Variants in RFTN1 observed in about 807,000 individuals in gnomAD.
The protein encoded by RFTN1 is raftlin, lipid raft linker 1, also known as raftlin.
Under a neutral mutation model 46.5 loss-of-function variants are expected in RFTN1, and 26 were observed. The ratio of observed to expected loss-of-function variants is 0.56; its 90% CI spans 0.41 to 0.78. The LOEUF is 0.78. Ranked by LOEUF, RFTN1 falls within the 30% of genes least tolerant of loss-of-function variation. The pLI is 0.00. For synonymous variants in RFTN1, 261 were observed against 284.2 expected (o/e 0.92, Z 0.82); for missense variants, 693 against 718.7 (o/e 0.96, Z 0.41).
Position 16,484,872 on chromosome 3 carries a change from T to C in RFTN1, c.145+8853A>G, listed in dbSNP as rs760558292. 5 of 152,248 alleles carry C rather than the reference T, an allele frequency of 3.3e-5. No individual in the cohort carries two copies. The highest frequency in any genetic ancestry group is 5.9e-5 in the Non-Finnish European group (4 of 68,042). The allele number at this position is 152,248 out of a possible 1,614,324, so 9.4% of individuals were successfully genotyped here. ...CTCAATATCTCAATTTATTCTTCTA[T>C]ACCGTGGGGGTGACTCCACCTACCT... On this transcript the variant is annotated intron_variant, in intron 2 of 9. Transcript: ENST00000334133. This position sits in a 1 kb window ranked among gnomAD's most constrained non-coding sequence, Gnocchi z 4.6.
chr3:16,482,936 C>G lies in RFTN1; in HGVS notation c.145+10789G>C, dbSNP rs968482153. 3.0e-6 allele frequency: 3 copies of G among 1,000,624 alleles called. No individual in the cohort carries two copies. The African/African-American group carries it at 4.8e-5, about 16-fold the overall frequency. The allele number at this position is 1,000,624 out of a possible 1,614,324, so 62.0% of individuals were successfully genotyped here. On this transcript the variant is annotated intron_variant, in intron 2 of 9. Coordinates refer to ENST00000334133, the MANE Select transcript of RFTN1 (RefSeq NM_015150.2). Reference sequence around the variant, plus strand: ...AAGTCCCGCCCCACCCAACTCTGACCCTGGGGCCTCTTGCAGCAGTATCAA... The same window carrying G: ...AAGTCCCGCCCCACCCAACTCTGACGCTGGGGCCTCTTGCAGCAGTATCAA...
Position 16,320,865 on chromosome 3 carries a change from A to G in RFTN1, c.1332+2511T>C, listed in dbSNP as rs1379185210. Among the ~76,000 whole-genome samples, 1 of 152,246 alleles carries G rather than the reference A, an allele frequency of 6.6e-6. No individual in the cohort carries two copies. The highest frequency in any genetic ancestry group is 1.5e-5 in the Non-Finnish European group (1 of 68,044). On this transcript the variant is annotated intron_variant, in intron 9 of 9. Coordinates refer to ENST00000334133, the MANE Select transcript of RFTN1 (RefSeq NM_015150.2). This position sits in a 1 kb window ranked among gnomAD's most constrained non-coding sequence, Gnocchi z 4.5. ...TCCATCTTTGTCTTCAGAGTCATAC[A>G]AAACTAGAACTCCTTTGAGCAGTGG...
Position 16,387,570 on chromosome 3 carries a change from T to TTCTCTCTCTCTCTCTCTCTCTC in RFTN1, c.442-9490_442-9469dup, listed in dbSNP as rs3054539. ...CACTTCTCTCTTCTATATCCTCAAT[T>TTCTCTCTCTCTCTCTCTCTCTC]TCTCTCTCTCTCTCTCTCTCTCTCT... On this transcript the variant is annotated intron_variant, in intron 4 of 9. Transcript: ENST00000334133. The surrounding 1 kb of genome is among the most constrained non-coding windows in gnomAD (Gnocchi z 5.2). Among the ~76,000 whole-genome samples the TTCTCTCTCTCTCTCTCTCTCTC allele has an allele frequency of 4.6e-3, 531 of 116,456 alleles. 40 individuals are homozygous for TTCTCTCTCTCTCTCTCTCTCTC. Among genetic ancestry groups the TTCTCTCTCTCTCTCTCTCTCTC allele is most frequent in the African/African-American group, 0.01 (265 of 25,594 alleles). The allele number at this position is 116,456 out of a possible 152,430, so 76.4% of individuals were successfully genotyped here.
At chr3:16,318,962 C>T (rs1463494311) in intron 9 of RFTN1, among the ~76,000 whole-genome samples, 1 of 152,184 alleles carries the variant, frequency 6.6e-6, no homozygotes, top group Non-Finnish European at 1.5e-5. Flanking sequence ...GCAGGCATCT[C>T]GAGGCTCCAA....
In RFTN1 at chr3:16,448,657, G is replaced by A. The variant is rs2075774646; in HGVS notation, c.146-14620C>T. ...GGTTTGCTCCCTGTGTCCCTTAAAT[G>A]CCTGCTCTTCAAGAATCTCTAGTAA... On this transcript the variant is annotated intron_variant, in intron 2 of 9. Coordinates refer to ENST00000334133, the MANE Select transcript of RFTN1 (RefSeq NM_015150.2). This position sits in a 1 kb window ranked among gnomAD's most constrained non-coding sequence, Gnocchi z 4.1. 6.6e-6 allele frequency among the ~76,000 whole-genome samples: 1 copy of A among 152,192 alleles called. No homozygotes were observed. Among genetic ancestry groups the A allele is most frequent in the East Asian group, 1.9e-4 (1 of 5,188 alleles).
chr3:16,486,218 C>A (rs2076444276), intron 2 of RFTN1, among the ~76,000 whole-genome samples: 1 of 152,128 alleles, frequency 6.6e-6, no homozygotes, highest in South Asian at 2.1e-4. Flanking sequence ...CTTTACCTTG[C>A]CTGATGACTG....
rs2076232610 is a variant in RFTN1 at position 16,473,492 on chromosome 3, C to A, written c.145+20233G>T. On this transcript the variant is annotated intron_variant, in intron 2 of 9. Coordinates refer to ENST00000334133, the MANE Select transcript of RFTN1 (RefSeq NM_015150.2). This position sits in a 1 kb window ranked among gnomAD's most constrained non-coding sequence, Gnocchi z 5.3. ...CTCGGCTCACTGCAATCTCTGCCTC[C>A]TGGGTTCAAGCAATTCTCCTGCCTC... Among the ~76,000 whole-genome samples, 1 of 150,122 alleles carries A rather than the reference C, an allele frequency of 6.7e-6. No homozygotes were observed. The highest frequency in any genetic ancestry group is 1.5e-5 in the Non-Finnish European group (1 of 67,314).
At position 16,413,866 on chromosome 3, in the gene RFTN1, G is replaced by A. The variant is rs554760415; in HGVS notation, c.333-4383C>T. The stretch of plus-strand genomic sequence containing the variant: ...ACTAGAGGCAGGTAATACACCAGCT[G>A]TGAGCCTTTGGGCAATTTACTTAAA... On this transcript the variant is annotated intron_variant, in intron 3 of 9. Coordinates refer to ENST00000334133, the MANE Select transcript of RFTN1 (RefSeq NM_015150.2). This position sits in a 1 kb window ranked among gnomAD's most constrained non-coding sequence, Gnocchi z 4.7. Among the ~76,000 whole-genome samples the A allele has an allele frequency of 2.3e-4, 35 of 152,316 alleles. No homozygotes were observed. Among genetic ancestry groups the A allele is most frequent in the African/African-American group, 7.5e-4 (31 of 41,550 alleles).
In RFTN1 at chr3:16,385,075, C is replaced by G. The variant is rs768041397; in HGVS notation, c.442-6973G>C. ...CCCTCCCTCATAACTCACACGCCCCCGATCCGTGACAACATAGCACAGCAC... is the reference window on the plus strand; with the variant it reads ...CCCTCCCTCATAACTCACACGCCCCGGATCCGTGACAACATAGCACAGCAC... On this transcript the variant is annotated intron_variant, in intron 4 of 9. Coordinates refer to ENST00000334133, the MANE Select transcript of RFTN1 (RefSeq NM_015150.2). This position sits in a 1 kb window ranked among gnomAD's most constrained non-coding sequence, Gnocchi z 5.0. 6.6e-6 allele frequency among the ~76,000 whole-genome samples: 1 copy of G among 152,178 alleles called. No individual in the cohort carries two copies. Among genetic ancestry groups the G allele is most frequent in the African/African-American group, 2.4e-5 (1 of 41,428 alleles).
intron 1 of RFTN1, among the ~76,000 whole-genome samples, chr3:16,508,986 T>C (rs1213239169): frequency 6.6e-6 from 1 of 152,214 alleles, no homozygotes; most frequent in Admixed American, 6.5e-5. Flanking sequence ...GAATTTTAAA[T>C]TTTCTTTTCT....
chr3:16,357,892 G>C (rs532007967), intron 7 of RFTN1, 40 bp downstream of exon 7: 2 of 1,276,412 alleles, frequency 1.6e-6, no homozygotes, highest in South Asian at 2.4e-5. Flanking sequence ...AACAAGTGCT[G>C]TCTAAACAAA....
chr3:16,441,052 C>T (rs1470987361), intron 2 of RFTN1, among the ~76,000 whole-genome samples: 1 of 152,076 alleles, frequency 6.6e-6, no homozygotes, highest in Admixed American at 6.5e-5. Context: ...CCTCTTTTTT[C>T]TATATTGGCA....
Position 16,500,840 on chromosome 3 carries a change from G to C in RFTN1, c.-8-6963C>G, listed in dbSNP as rs954791557. Reference sequence around the variant, plus strand: ...CTGCTTTGAGTCAGGCACTTGGTTAGGAAACACTAAAACTGGGAAGGCCAG... The same window carrying C: ...CTGCTTTGAGTCAGGCACTTGGTTACGAAACACTAAAACTGGGAAGGCCAG... On this transcript the variant is annotated intron_variant, in intron 1 of 9. Coordinates refer to ENST00000334133, the MANE Select transcript of RFTN1 (RefSeq NM_015150.2). This position sits in a 1 kb window ranked among gnomAD's most constrained non-coding sequence, Gnocchi z 5.9. 5.9e-5 allele frequency among the ~76,000 whole-genome samples: 9 copies of C among 152,162 alleles called. No homozygotes were observed. Among genetic ancestry groups the C allele is most frequent in the South Asian group, 4.1e-4 (2 of 4,820 alleles).
chr3:16,368,457 G>T (rs968360662), intron 6 of RFTN1, among the ~76,000 whole-genome samples: 1 of 152,190 alleles, frequency 6.6e-6, no homozygotes, highest in Non-Finnish European at 1.5e-5. Context: ...GGATCACGAG[G>T]TCAGGGAACT....
At chr3:16,497,312 A>T (rs1366274466) in intron 1 of RFTN1, among the ~76,000 whole-genome samples, 1 of 152,276 alleles carries the variant, frequency 6.6e-6, no homozygotes, top group Non-Finnish European at 1.5e-5. Flanking sequence ...ACACAAAATC[A>T]TCTACGTACT....
In RFTN1 at chr3:16,489,044, T is replaced by C. The variant is rs1046926613; in HGVS notation, c.145+4681A>G. On this transcript the variant is annotated intron_variant, in intron 2 of 9. Coordinates refer to ENST00000334133, the MANE Select transcript of RFTN1 (RefSeq NM_015150.2). This position sits in a 1 kb window ranked among gnomAD's most constrained non-coding sequence, Gnocchi z 4.0. Reference sequence around the variant, plus strand: ...CATAAATCAATCTTAAATGAGTAAGTTGAGTGAATGAGAAGAGCTAGGTTT... The same window carrying C: ...CATAAATCAATCTTAAATGAGTAAGCTGAGTGAATGAGAAGAGCTAGGTTT... Among the ~76,000 whole-genome samples, 1 of 151,994 alleles carries C rather than the reference T, an allele frequency of 6.6e-6. No individual in the cohort carries two copies. The highest frequency in any genetic ancestry group is 1.5e-5 in the Non-Finnish European group (1 of 67,990).
intron 8 of RFTN1, among the ~76,000 whole-genome samples, chr3:16,325,056 T>C (rs779236824): frequency 2.6e-5 from 4 of 152,242 alleles, no homozygotes; most frequent in Non-Finnish European, 5.9e-5. Context: ...AAATCTGTTT[T>C]GTAAATTTCT....
In RFTN1 at chr3:16,370,421, C is replaced by G; in HGVS notation, c.827-142G>C. The G allele has an allele frequency of 2.4e-6, 2 of 817,572 alleles. No individual in the cohort carries two copies. The highest frequency in any genetic ancestry group is 4.0e-6 in the Non-Finnish European group (2 of 500,938). The allele number at this position is 817,572 out of a possible 1,614,324, so 50.6% of individuals were successfully genotyped here. On this transcript the variant is annotated intron_variant, in intron 5 of 9. Coordinates refer to ENST00000334133, the MANE Select transcript of RFTN1 (RefSeq NM_015150.2). The surrounding 1 kb of genome is among the most constrained non-coding windows in gnomAD (Gnocchi z 5.5). Reference sequence around the variant, plus strand: ...AAATCTCTGTGAGGCTGTATTGTTGCCAGATAATAAAGCCTCATTCCAAGT... The same window carrying G: ...AAATCTCTGTGAGGCTGTATTGTTGGCAGATAATAAAGCCTCATTCCAAGT...
rs1272551461 is a variant in RFTN1, at chr3:16,391,858, G to GTTTTTTTT, written c.442-13764_442-13757dup. 8.3e-4 allele frequency among the ~76,000 whole-genome samples: 41 copies of GTTTTTTTT among 49,142 alleles called. 8 individuals carry two copies. The highest frequency in any genetic ancestry group is 4.3e-3 in the South Asian group (5 of 1,170). 32.2% of individuals were successfully genotyped at this position (49,142 alleles called of 152,430 possible). ...TAGAGATTATCATTCTAGTGCAAAGGTTTTTTTTTTGTTTTTTTTTTTTGT... is the reference window on the plus strand; with the variant it reads ...TAGAGATTATCATTCTAGTGCAAAGGTTTTTTTTTTTTTTTTTTGTTTTTTTTTTTTGT... On this transcript the variant is annotated intron_variant, in intron 4 of 9. Coordinates refer to ENST00000334133, the MANE Select transcript of RFTN1 (RefSeq NM_015150.2).
Sources: allele counts gnomAD v4.1 joint callset (sites outside exome capture counted in the v4.1 genomes callset), GRCh38; gene constraint gnomAD v4.1.1; non-coding constraint Gnocchi (gnomAD v3.1); transcripts MANE v1.5; gene names NCBI Gene and HGNC (gene_info 2026-07-23, HGNC 2026-07-21).